KCNAB1: variants seen among roughly 807,000 people sequenced by gnomAD.
The protein encoded by KCNAB1 is potassium voltage-gated channel subfamily A regulatory beta subunit 1.
In KCNAB1, 35 loss-of-function variants were observed where a neutral mutation model predicts 64.6. The ratio of observed to expected loss-of-function variants is 0.54; its 90% CI spans 0.41 to 0.72. The LOEUF is 0.72. KCNAB1 is among the 30% of genes least tolerant of loss of function. The pLI is 0.00. For missense variants in KCNAB1, 401 were observed against 512.9 expected (o/e 0.78, Z 2.11); for synonymous variants, 177 against 183.8 (o/e 0.96, Z 0.30).
At chr3:156,147,466 T>G (rs9816126) in intron 1 of KCNAB1, among the ~76,000 whole-genome samples, 104,697 of 152,052 alleles carry the variant, frequency 0.69, 36,317 homozygotes, top group Admixed American at 0.78. Flanking sequence ...AGTGACATTG[T>G]TTAAATAGAA....
intron 1 of KCNAB1, among the ~76,000 whole-genome samples, chr3:156,175,680 TGCCTTA>T (rs1712321819): frequency 6.6e-6 from 1 of 152,192 alleles, no homozygotes; most frequent in Non-Finnish European, 1.5e-5. Context: ...ACGGGGAGCT[TGCCTTA>T]GTCATCCTGG....
At chr3:156,483,632 G>A (rs1714993606) in intron 8 of KCNAB1, among the ~76,000 whole-genome samples, 1 of 151,988 alleles carries the variant, frequency 6.6e-6, no homozygotes, top group South Asian at 2.1e-4. Context: ...CTCTTTCTTT[G>A]TTTCACTTTC....
chr3:156,179,471 A>G (rs1712656709), intron 1 of KCNAB1, among the ~76,000 whole-genome samples: 2 of 110,896 alleles, frequency 1.8e-5, no homozygotes, highest in African/African-American at 3.5e-5. Flanking sequence ...CTTCTGGCTA[A>G]TTGCTCGTTA....
intron 11 of KCNAB1, among the ~76,000 whole-genome samples, chr3:156,520,247 T>C (rs541217032): frequency 6.6e-6 from 1 of 152,094 alleles, no homozygotes; most frequent in Non-Finnish European, 1.5e-5. Flanking sequence ...GCAATAAAAT[T>C]TATTGGCAGC....
At chr3:156,319,683 T>C (rs762713543) in intron 1 of KCNAB1, among the ~76,000 whole-genome samples, 6 of 152,192 alleles carry the variant, frequency 3.9e-5, no homozygotes, top group Non-Finnish European at 1.5e-5. Context: ...TTTTAGATGA[T>C]GTCATGAAAT....
intron 1 of KCNAB1, chr3:156,273,515 C>T: frequency 6.7e-6 from 3 of 449,832 alleles, no homozygotes; most frequent in South Asian, 4.8e-5. Flanking sequence ...TTCCAATACA[C>T]AGTTTTACAA....
At chr3:156,159,079 CT>C (rs141656137) in intron 1 of KCNAB1, among the ~76,000 whole-genome samples, 4,485 of 152,116 alleles carry the variant, frequency 0.029, 173 homozygotes, top group African/African-American at 0.083. Context: ...CCGCCCCCCC[CT>C]GTAATAATTG....
intron 11 of KCNAB1, 200 bp from the exon 12 acceptor site, chr3:156,523,627 T>G: frequency 3.6e-6 from 2 of 549,446 alleles, no homozygotes; most frequent in South Asian, 4.5e-5. Flanking sequence ...TTAGTCAAAA[T>G]CAATCTGTTT....
At chr3:156,176,748 G>C in intron 1 of KCNAB1, 2 of 918,494 alleles carry the variant, frequency 2.2e-6, no homozygotes, top group Non-Finnish European at 3.7e-6. Context: ...GGCTTGAAGG[G>C]AGGAACACCT....
intron 8 of KCNAB1, among the ~76,000 whole-genome samples, chr3:156,512,994 C>G (rs1248284660): frequency 6.6e-6 from 1 of 152,190 alleles, no homozygotes; most frequent in Admixed American, 6.5e-5. Flanking sequence ...GGGAGGATCA[C>G]GAGGTCAGGA....
chr3:156,513,068 C>T (rs1014559690), intron 8 of KCNAB1, among the ~76,000 whole-genome samples: 29 of 152,112 alleles, frequency 1.9e-4, no homozygotes, highest in Admixed American at 6.6e-4. Flanking sequence ...AAAAGTTAGC[C>T]GGGTGTGGTG....
chr3:156,292,511 C>T lies in KCNAB1; in HGVS notation c.276-129105C>T, dbSNP rs139856177. Among the ~76,000 whole-genome samples the T allele has an allele frequency of 4.9e-3, 743 of 152,228 alleles. 4 individuals are homozygous for T. The highest frequency in any genetic ancestry group is 0.01 in the Middle Eastern group (3 of 294). ...GGGATTATACTATCAGAAATAGTTT[C>T]TCATCTAGTACTGCTCTCTTATTTA... On this transcript the variant is annotated intron_variant, in intron 1 of 13. Coordinates refer to ENST00000490337, the MANE Select transcript of KCNAB1 (RefSeq NM_172160.3).
At chr3:156,138,288 G>C (rs910422402) in intron 1 of KCNAB1, among the ~76,000 whole-genome samples, 3 of 152,206 alleles carry the variant, frequency 2.0e-5, no homozygotes, top group Non-Finnish European at 4.4e-5. Flanking sequence ...ACGTGAACAA[G>C]AGCAGAAAGA....
chr3:156,238,052 G>C (rs1013323193), intron 1 of KCNAB1, among the ~76,000 whole-genome samples: 51 of 152,206 alleles, frequency 3.4e-4, no homozygotes, highest in African/African-American at 1.2e-3. Flanking sequence ...TGGCCTGGGA[G>C]GGTGGAAGTC....
chr3:156,213,628 C>A (rs1219306464), intron 1 of KCNAB1, among the ~76,000 whole-genome samples: 1 of 152,182 alleles, frequency 6.6e-6, no homozygotes, highest in Non-Finnish European at 1.5e-5. Flanking sequence ...CTGCTGTCCT[C>A]CATGCAGGGT....
chr3:156,340,152 A>G (rs938941346), intron 1 of KCNAB1, among the ~76,000 whole-genome samples: 2 of 152,164 alleles, frequency 1.3e-5, no homozygotes, highest in African/African-American at 4.8e-5. Context: ...TTTTGCCTGG[A>G]TATCAGCCCT....
intron 8 of KCNAB1, among the ~76,000 whole-genome samples, chr3:156,507,138 T>C (rs1312161528): frequency 6.6e-6 from 1 of 152,260 alleles, no homozygotes; most frequent in African/African-American, 2.4e-5. Context: ...AGATGGGGTC[T>C]ATAGACTATC....
chr3:156,442,471 C>G (rs1179768873), intron 2 of KCNAB1, among the ~76,000 whole-genome samples: 1 of 152,088 alleles, frequency 6.6e-6, no homozygotes, highest in Non-Finnish European at 1.5e-5. Flanking sequence ...AATCTTAAAA[C>G]AAAATGGAGC....
At chr3:156,327,303 C>T (rs1263972066) in intron 1 of KCNAB1, among the ~76,000 whole-genome samples, 1 of 152,072 alleles carries the variant, frequency 6.6e-6, no homozygotes, top group Non-Finnish European at 1.5e-5. Flanking sequence ...AATCCAAATG[C>T]CTTGTCTTTG....
Sources: gnomAD v4.1 joint callset for allele counts (sites outside exome capture counted in the v4.1 genomes callset) on GRCh38, gnomAD v4.1.1 for gene constraint, MANE v1.5 for transcripts, NCBI Gene and HGNC (gene_info 2026-07-23, HGNC 2026-07-21) for gene names.